Variants in NXPH1 observed in about 807,000 individuals in gnomAD.
NXPH1 encodes neurexophilin 1.
Under a neutral mutation model 23.7 loss-of-function variants are expected in NXPH1, and 5 were observed. The ratio of observed to expected loss-of-function variants is 0.21; its 90% CI spans 0.11 to 0.44. The LOEUF (loss-of-function observed/expected upper bound fraction) is 0.44. Among genes scored for constraint, NXPH1 ranks in the 20% least tolerant of loss-of-function variants. The pLI is 0.99. For synonymous variants in NXPH1, 144 were observed against 122.2 expected (o/e 1.18, Z -1.18); for missense variants, 324 against 321.6 (o/e 1.01, Z -0.06).
intron 2 of NXPH1, among the ~76,000 whole-genome samples, chr7:8,572,736 A>C (rs989395178): frequency 6.6e-6 from 1 of 152,000 alleles, no homozygotes; most frequent in Non-Finnish European, 1.5e-5. Context: ...AAATTTTAAG[A>C]CTTGGGTATA....
chr7:8,608,494 G>A (rs1210296871), intron 2 of NXPH1, among the ~76,000 whole-genome samples: 1 of 152,042 alleles, frequency 6.6e-6, no homozygotes, highest in Non-Finnish European at 1.5e-5. Flanking sequence ...GTGTCGCCAT[G>A]CCCAGCCTAG....
intron 2 of NXPH1, among the ~76,000 whole-genome samples, chr7:8,492,454 C>T (rs555102415): frequency 1.3e-5 from 2 of 152,132 alleles, no homozygotes; most frequent in Admixed American, 1.3e-4. Flanking sequence ...TAATCCATTT[C>T]AGGGGATGCT....
chr7:8,651,758 A>G (rs923342639), intron 2 of NXPH1, among the ~76,000 whole-genome samples: 3 of 152,218 alleles, frequency 2.0e-5, no homozygotes, highest in Non-Finnish European at 4.4e-5. Context: ...ACATGAAGAA[A>G]AACATTAAGA....
At chr7:8,546,287 T>C (rs1818196809) in intron 2 of NXPH1, among the ~76,000 whole-genome samples, 1 of 151,400 alleles carries the variant, frequency 6.6e-6, no homozygotes, top group African/African-American at 2.4e-5. Context: ...GAAACTGAGT[T>C]CGGGAGAGAA....
intron 2 of NXPH1, among the ~76,000 whole-genome samples, chr7:8,444,007 G>A (rs1203377410): frequency 6.6e-6 from 1 of 152,282 alleles, no homozygotes; most frequent in Non-Finnish European, 1.5e-5. Flanking sequence ...CTTAAAGTGC[G>A]CCCAGTTCCT....
At chr7:8,463,075 G>A (rs1441106925) in intron 2 of NXPH1, among the ~76,000 whole-genome samples, 1 of 152,094 alleles carries the variant, frequency 6.6e-6, no homozygotes, top group Non-Finnish European at 1.5e-5. Context: ...GTAAACATTG[G>A]AATTTACTGA....
intron 2 of NXPH1, among the ~76,000 whole-genome samples, chr7:8,578,196 G>A (rs1011749263): frequency 6.6e-6 from 1 of 152,150 alleles, no homozygotes; most frequent in Admixed American, 6.5e-5. Flanking sequence ...GGGTAGCATG[G>A]AGCTACTTGA....
chr7:8,602,838 T>C (rs1471198412), intron 2 of NXPH1, among the ~76,000 whole-genome samples: 2 of 152,128 alleles, frequency 1.3e-5, no homozygotes, highest in African/African-American at 4.8e-5. Flanking sequence ...CTTACCCTTG[T>C]GTCTTTTTTT....
chr7:8,623,880 C>G (rs1211565558), intron 2 of NXPH1, among the ~76,000 whole-genome samples: 1 of 151,892 alleles, frequency 6.6e-6, no homozygotes, highest in Non-Finnish European at 1.5e-5. Flanking sequence ...GTCACCCCAT[C>G]CCTATCTCTG....
intron 2 of NXPH1, among the ~76,000 whole-genome samples, chr7:8,649,391 C>G (rs1820452656): frequency 6.6e-6 from 1 of 151,848 alleles, no homozygotes; most frequent in African/African-American, 2.4e-5. Context: ...TTCAAACTAC[C>G]TACTTTACAA....
Position 8,435,519 on chromosome 7 carries a change from C to T in NXPH1, c.-110-85C>T, listed in dbSNP as rs1816177091. 1.7e-6 allele frequency: 1 copy of T among 578,752 alleles called. No individual in the cohort carries two copies. The highest frequency in any genetic ancestry group is 3.0e-5 in the Admixed American group (1 of 33,380). 35.9% of individuals were successfully genotyped at this position (578,752 alleles called of 1,614,324 possible). On this transcript the variant is annotated intron_variant, in intron 1 of 2. Coordinates refer to ENST00000405863, the MANE Select transcript of NXPH1 (RefSeq NM_152745.3). The surrounding 1 kb of genome is among the most constrained non-coding windows in gnomAD (Gnocchi z 5.9). ...CCTTTTTTTTTTGGTCCCCCACTCC[C>T]CGCTACGACCCCCTTTCCCCGCTTG...
intron 2 of NXPH1, among the ~76,000 whole-genome samples, chr7:8,470,510 C>T (rs534202752): frequency 8.6e-4 from 131 of 152,188 alleles, no homozygotes; most frequent in Middle Eastern, 3.4e-3. Context: ...AATATTAGAC[C>T]ATTTAGGGCA....
chr7:8,635,416 T>C (rs1002674713), intron 2 of NXPH1, among the ~76,000 whole-genome samples: 5 of 152,358 alleles, frequency 3.3e-5, no homozygotes, highest in Admixed American at 3.3e-4. Context: ...TTTAGTGGTA[T>C]AAATGCATTC....
chr7:8,466,370 C>A (rs1158325396), intron 2 of NXPH1, among the ~76,000 whole-genome samples: 1 of 152,084 alleles, frequency 6.6e-6, no homozygotes, highest in Non-Finnish European at 1.5e-5. Flanking sequence ...ACGATGAGCT[C>A]TTTTTATTAG....
intron 2 of NXPH1, among the ~76,000 whole-genome samples, chr7:8,590,787 T>A (rs1026431698): frequency 1.3e-5 from 2 of 150,054 alleles, no homozygotes; most frequent in Non-Finnish European, 2.9e-5. Context: ...GATTAGCATA[T>A]TTATTTAGTT....
intron 2 of NXPH1, among the ~76,000 whole-genome samples, chr7:8,527,545 G>A (rs747665407): frequency 2.6e-4 from 40 of 152,166 alleles, no homozygotes; most frequent in South Asian, 1.4e-3. Flanking sequence ...TCAGAAGGGG[G>A]AGACCAGTGC....
rs116176119 is a variant in NXPH1, at chr7:8,681,056, C to T, written c.55-69952C>T. On this transcript the variant is annotated intron_variant, in intron 2 of 2. Transcript: ENST00000405863. ...CACAACTGGCTAGTAACAGAGCCAG[C>T]GCTAATGTCCGGTACAGTGCTCCTC... Among the ~76,000 whole-genome samples, 1,122 of 152,318 alleles carry T rather than the reference C, an allele frequency of 7.4e-3. 6 individuals are homozygous for T. Among genetic ancestry groups the T allele is most frequent in the African/African-American group, 0.026 (1,063 of 41,572 alleles).
At chr7:8,576,549 C>G (rs1818759409) in intron 2 of NXPH1, among the ~76,000 whole-genome samples, 1 of 152,132 alleles carries the variant, frequency 6.6e-6, no homozygotes, top group Admixed American at 6.5e-5. Context: ...TGGTGAATGA[C>G]TGTAATGTAG....
At position 8,451,530 on chromosome 7, in the gene NXPH1, C is replaced by T. The variant is rs186305095; in HGVS notation, c.54+15763C>T. Among the ~76,000 whole-genome samples, 29 of 152,278 alleles carry T rather than the reference C, an allele frequency of 1.9e-4. No individual in the cohort carries two copies. The East Asian group carries it at 5.0e-3, about 26-fold the overall frequency. On this transcript the variant is annotated intron_variant, in intron 2 of 2. Coordinates refer to ENST00000405863, the MANE Select transcript of NXPH1 (RefSeq NM_152745.3). The stretch of plus-strand genomic sequence containing the variant: ...GAACATTATTTTGTTTATTGAATAA[C>T]GAATTGAGACTGCTCTTTTTCAAAA...
Sources: gnomAD v4.1 joint callset for allele counts (sites outside exome capture counted in the v4.1 genomes callset) on GRCh38, gnomAD v4.1.1 for gene constraint, Gnocchi (gnomAD v3.1) non-coding constraint, MANE v1.5 for transcripts, NCBI Gene and HGNC (gene_info 2026-07-23, HGNC 2026-07-21) for gene names.